Variants in DHX9 observed in about 807,000 individuals in gnomAD.
The protein encoded by DHX9 is ATP-dependent RNA helicase A.
A neutral mutation model predicts 148.7 loss-of-function variants in DHX9; 27 were observed. The ratio of observed to expected loss-of-function variants is 0.18; its 90% CI spans 0.13 to 0.25. The LOEUF is 0.25. Among genes scored for constraint, DHX9 ranks in the 10% least tolerant of loss-of-function variants. DHX9 has a pLI of 1.00. For missense variants in DHX9, 796 were observed against 1,559.6 expected (o/e 0.51, Z 8.25); for synonymous variants, 529 against 516.6 (o/e 1.02, Z -0.33).
At chr1:182,883,415 T>A in intron 25 of DHX9, 47 bp downstream of exon 25, 1 of 1,589,424 alleles carries the variant, frequency 6.3e-7, no homozygotes, top group Non-Finnish European at 8.6e-7. Flanking sequence ...AAATTGTCTT[T>A]ACAATCATTA....
intron 7 of DHX9, 152 bp downstream of exon 7, chr1:182,856,730 A>G (rs1350937355): frequency 1.7e-6 from 1 of 597,422 alleles, no homozygotes; most frequent in Non-Finnish European, 2.8e-6. Context: ...AATATTAGTA[A>G]TTATATAAAT....
chr1:182,871,233 A>G (rs1309629904), intron 14 of DHX9, among the ~76,000 whole-genome samples: 1 of 152,244 alleles, frequency 6.6e-6, no homozygotes, highest in Non-Finnish European at 1.5e-5. Context: ...GATCAAAAAT[A>G]CAGGCATTTT....
intron 27 of DHX9, 102 bp from the exon 28 acceptor site, chr1:182,886,981 C>T: frequency 9.2e-7 from 1 of 1,089,226 alleles, no homozygotes; most frequent in South Asian, 1.5e-5. Flanking sequence ...GGCTTCATTC[C>T]CTTTATTAAA....
intron 20 of DHX9, 41 bp from the exon 21 acceptor site, chr1:182,879,209 T>A (rs1243546115): frequency 1.4e-6 from 2 of 1,414,672 alleles, no homozygotes; most frequent in Non-Finnish European, 1.9e-6. Context: ...CATCTGTGTA[T>A]ACACAAGGAG....
At chr1:182,873,390 G>A (rs1648628263) in intron 15 of DHX9, among the ~76,000 whole-genome samples, 3 of 152,174 alleles carry the variant, frequency 2.0e-5, no homozygotes, top group African/African-American at 4.8e-5. Flanking sequence ...AGACAGATAC[G>A]AAGTGATGTT....
Position 182,884,706 on chromosome 1 carries a change from T to G in DHX9, c.3354T>G (p.Pro1118=), listed in dbSNP as rs1649239954. 1 of 1,614,212 alleles carries G rather than the reference T, an allele frequency of 6.2e-7. No individual in the cohort carries two copies. Among genetic ancestry groups the G allele is most frequent in the Non-Finnish European group, 8.5e-7 (1 of 1,180,038 alleles). The stretch of plus-strand genomic sequence containing the variant: ...TGGTTGTTGAAGTAACCAAACAACC[T>G]GCTATCATCAGCCAGTTGGACCCCG... The part of the protein sequence containing the change: ...EALVVEVTKQ[P]AIISQLDPVN... Residue 1118 remains proline, a synonymous_variant, in exon 27 of 28, where the codon CCT becomes CCG. Coordinates refer to ENST00000367549, the MANE Select transcript of DHX9 (RefSeq NM_001357.5).
At chr1:182,853,955 G>C in intron 5 of DHX9, 75 bp from the exon 6 acceptor site, 1 of 1,342,526 alleles carries the variant, frequency 7.4e-7, no homozygotes, top group Non-Finnish European at 1.0e-6. Context: ...TACAAAGACA[G>C]TATTAAAAAT....
chr1:182,849,054 C>A (rs1436614370), intron 3 of DHX9, among the ~76,000 whole-genome samples: 1 of 152,198 alleles, frequency 6.6e-6, no homozygotes, highest in Non-Finnish European at 1.5e-5. Context: ...GACATTTGGG[C>A]AGCGATACGT....
chr1:182,855,008 T>C (rs1037846041), intron 6 of DHX9, among the ~76,000 whole-genome samples: 1 of 152,196 alleles, frequency 6.6e-6, no homozygotes, highest in Non-Finnish European at 1.5e-5. Context: ...TTCTCGAAAA[T>C]CAAAGTGTTC....
chr1:182,883,734 T>C (rs913800065), intron 26 of DHX9, 99 bp downstream of exon 26: 10 of 739,934 alleles, frequency 1.4e-5, no homozygotes, highest in Non-Finnish European at 2.2e-5. Context: ...TAATTATATC[T>C]AACTTAATTA....
intron 6 of DHX9, 85 bp downstream of exon 6, chr1:182,854,263 T>G (rs992616986): frequency 5.5e-6 from 7 of 1,269,418 alleles, no homozygotes; most frequent in African/African-American, 1.5e-5. Flanking sequence ...TTTTTGTACG[T>G]TGTCTGGTTA....
intron 3 of DHX9, among the ~76,000 whole-genome samples, chr1:182,848,697 T>C (rs553979087): frequency 2.0e-5 from 3 of 152,230 alleles, no homozygotes; most frequent in Non-Finnish European, 4.4e-5. Flanking sequence ...TACCTGAGAC[T>C]GCATAATTTA....
At chr1:182,883,983 T>TG (rs1649207000) in intron 26 of DHX9, among the ~76,000 whole-genome samples, 1 of 152,104 alleles carries the variant, frequency 6.6e-6, no homozygotes. Flanking sequence ...ACCTAGAAAA[T>TG]GCCAGTATTC....
chr1:182,877,994 T>A, intron 19 of DHX9, 27 bp from the exon 20 acceptor site: 2 of 1,613,504 alleles, frequency 1.2e-6, no homozygotes, highest in Middle Eastern at 1.7e-4. Flanking sequence ...ACATGAGTCT[T>A]AGAATTAACC....
chr1:182,853,085 C>T (rs775694367), intron 4 of DHX9, among the ~76,000 whole-genome samples: 2 of 151,876 alleles, frequency 1.3e-5, no homozygotes, highest in Non-Finnish European at 2.9e-5. Context: ...TGCCACCATG[C>T]CCGGCTAATT....
chr1:182,867,993 CTT>C (rs1002129425), intron 14 of DHX9, among the ~76,000 whole-genome samples: 1 of 151,936 alleles, frequency 6.6e-6, no homozygotes, highest in African/African-American at 2.4e-5. Flanking sequence ...TTATTTTTTT[CTT>C]TTTTCTTCTC....
rs145282581 is a variant in DHX9 at position 182,852,206 on chromosome 1, C to T, written c.253-27C>T. On this transcript the variant is annotated intron_variant, in intron 3 of 27. Transcript: ENST00000367549. ...GTCCCCGTGAAGGCAAAAGCACTGA[C>T]AGCTGCCTTGACTTTTTCTTTTGCA... 6 of 1,530,308 alleles carry T rather than the reference C, an allele frequency of 3.9e-6. No homozygotes were observed. The East Asian group carries it at 1.1e-4, about 29-fold the overall frequency. 94.8% of individuals were successfully genotyped at this position (1,530,308 alleles called of 1,614,324 possible).
intron 22 of DHX9, 100 bp downstream of exon 22, chr1:182,880,708 A>C (rs1649045971): frequency 1.4e-6 from 1 of 737,172 alleles, no homozygotes; most frequent in East Asian, 2.7e-5. Flanking sequence ...ACAAAAAAAA[A>C]ATCCTAAATG....
At chr1:182,847,866 T>G (rs1296456620) in intron 3 of DHX9, among the ~76,000 whole-genome samples, 1 of 152,192 alleles carries the variant, frequency 6.6e-6, no homozygotes, top group Admixed American at 6.5e-5. Context: ...GTTGTGTGTG[T>G]GTTTGTATTT....
Sources: gnomAD v4.1 joint callset for allele counts (sites outside exome capture counted in the v4.1 genomes callset) on GRCh38, gnomAD v4.1.1 for gene constraint, MANE v1.5 for transcripts, NCBI Gene and HGNC (gene_info 2026-07-23, HGNC 2026-07-21) for gene names.